Variants in LEPR observed in about 807,000 individuals in gnomAD.
The protein encoded by LEPR is leptin receptor.
In LEPR, 56 loss-of-function variants were observed where a neutral mutation model predicts 114.7. The ratio of observed to expected loss-of-function variants is 0.49; its 90% CI spans 0.39 to 0.61. The LOEUF (loss-of-function observed/expected upper bound fraction) is 0.61, where lower values mean the gene tolerates loss of function less well. Among genes scored for constraint, LEPR ranks in the 20% least tolerant of loss-of-function variants. LEPR has a pLI of 0.00. For synonymous variants in LEPR, 443 were observed against 461.4 expected, an observed-to-expected ratio of 0.96 and a Z score of 0.51; for missense variants, 1,202 against 1,352.9, an observed-to-expected ratio of 0.89 and a Z score of 1.75.
chr1:65,484,006 A>G (rs1258275702), intron 2 of LEPR, among the ~76,000 whole-genome samples: 1 of 151,266 alleles, frequency 6.6e-6, no homozygotes, highest in Non-Finnish European at 1.5e-5. Flanking sequence ...TGGCACAGTC[A>G]TAGATCACTG....
rs1553159578 is a variant in LEPR, at chr1:65,507,537, G to GTGTA, written c.-20-58008_-20-58007insGTAT. Among the ~76,000 whole-genome samples, 383 of 140,466 alleles carry GTGTA rather than the reference G, an allele frequency of 2.7e-3. 4 individuals are homozygous for GTGTA. Among genetic ancestry groups the GTGTA allele is most frequent in the African/African-American group, 9.1e-3 (345 of 37,924 alleles). The allele number at this position is 140,466 out of a possible 152,430, so 92.2% of individuals were successfully genotyped here. On this transcript the variant is annotated intron_variant, in intron 2 of 19. Coordinates refer to ENST00000349533, the MANE Select transcript of LEPR (RefSeq NM_002303.6). ...CATATATATGTGTATATATATGTGTGTATATATATATATACACACACACAC... is the reference window on the plus strand; with the variant it reads ...CATATATATGTGTATATATATGTGTGTGTATATATATATATATACACACACACAC...
At chr1:65,568,029 G>T (rs1195142465) in intron 3 of LEPR, among the ~76,000 whole-genome samples, 1 of 152,082 alleles carries the variant, frequency 6.6e-6, no homozygotes, top group African/African-American at 2.4e-5. Flanking sequence ...ACATACAGAA[G>T]AATTTCACTG....
In LEPR at chr1:65,618,052, A is replaced by G. The variant is rs758895799; in HGVS notation, c.2301A>G (p.Leu767=). The G allele has an allele frequency of 1.2e-6, 2 of 1,612,742 alleles. No individual in the cohort carries two copies. Among genetic ancestry groups the G allele is most frequent in the South Asian group, 1.1e-5 (1 of 90,894 alleles). ...TACTATCACCCAGTGATTACAAGCT[A>G]ATGTATTTTATTATTGAGTGGAAAA... ...SWILSPSDYK[L]MYFIIEWKNL... The change falls in exon 16 of 20, where the codon CTA becomes CTG. Residue 767 remains leucine, a synonymous_variant. Transcript: ENST00000349533.
At chr1:65,534,224 C>CA (rs1285746825) in intron 2 of LEPR, among the ~76,000 whole-genome samples, 1 of 152,036 alleles carries the variant, frequency 6.6e-6, no homozygotes, top group Middle Eastern at 3.2e-3. Flanking sequence ...TTTATCACTT[C>CA]AAATTTTCTT....
chr1:65,571,725 G>A (rs569329862), intron 4 of LEPR, among the ~76,000 whole-genome samples: 1 of 147,924 alleles, frequency 6.8e-6, no homozygotes, highest in Non-Finnish European at 1.5e-5. Flanking sequence ...AGGCCTAGGC[G>A]GGCGGATCAC....
intron 2 of LEPR, among the ~76,000 whole-genome samples, chr1:65,549,788 C>A (rs144809648): frequency 1.3e-5 from 2 of 152,150 alleles, no homozygotes; most frequent in Non-Finnish European, 2.9e-5. Flanking sequence ...GTAGTTTGAT[C>A]GTCTGAAGCT....
At chr1:65,461,828 G>T (rs995398934) in intron 2 of LEPR, among the ~76,000 whole-genome samples, 2 of 152,116 alleles carry the variant, frequency 1.3e-5, no homozygotes, top group Non-Finnish European at 2.9e-5. Flanking sequence ...ATATATTTTT[G>T]ATATGATGTG....
chr1:65,587,013 G>A (rs1033533169), intron 5 of LEPR, among the ~76,000 whole-genome samples: 12 of 134,458 alleles, frequency 8.9e-5, no homozygotes, highest in Admixed American at 4.4e-4. Flanking sequence ...TTTTAAATTC[G>A]CCCTTTTTTA....
intron 2 of LEPR, chr1:65,432,969 C>T (rs1646507785): frequency 1.0e-5 from 10 of 985,192 alleles, no homozygotes; most frequent in Non-Finnish European, 1.1e-5. Flanking sequence ...ATACTCTCTC[C>T]CCCAAAAAAA....
intron 2 of LEPR, among the ~76,000 whole-genome samples, chr1:65,546,048 C>T (rs573266148): frequency 6.6e-6 from 1 of 151,500 alleles, no homozygotes; most frequent in Admixed American, 6.6e-5. Flanking sequence ...TTCCCAGCAC[C>T]ATTTATTAAA....
At chr1:65,627,810 T>C (rs1034717969) in intron 19 of LEPR, among the ~76,000 whole-genome samples, 1 of 152,152 alleles carries the variant, frequency 6.6e-6, no homozygotes, top group Non-Finnish European at 1.5e-5. Flanking sequence ...AATACAAATA[T>C]AGTATTTTTT....
At chr1:65,509,645 AAT>A (rs1432904521) in intron 2 of LEPR, among the ~76,000 whole-genome samples, 1 of 152,126 alleles carries the variant, frequency 6.6e-6, no homozygotes, top group Admixed American at 6.6e-5. Flanking sequence ...CTGTGTTGGG[AAT>A]ATGAGGTCCT....
chr1:65,601,353 T>C lies in LEPR; in HGVS notation c.995-39T>C, dbSNP rs1656426785. The C allele has an allele frequency of 1.9e-6, 3 of 1,603,798 alleles. No homozygotes were observed. The Middle Eastern group carries it at 6.3e-4, about 336-fold the overall frequency. ...TGTGGTACAAATTACTTACAGAATG[T>C]TTTGTCTTCATCTGATATCCTTTCT... On this transcript the variant is annotated intron_variant, in intron 8 of 19. Transcript: ENST00000349533.
intron 8 of LEPR, among the ~76,000 whole-genome samples, chr1:65,600,957 A>C (rs1262241253): frequency 6.6e-6 from 1 of 151,840 alleles, no homozygotes; most frequent in Admixed American, 6.6e-5. Flanking sequence ...AGCGGCAATC[A>C]TTTTTACTTC....
intron 2 of LEPR, among the ~76,000 whole-genome samples, chr1:65,559,715 A>C (rs2100758665): frequency 7.4e-6 from 1 of 134,314 alleles, no homozygotes; most frequent in African/African-American, 2.9e-5. Flanking sequence ...TCCATCTTGA[A>C]TTGATTTTTG....
chr1:65,620,570 A>G (rs1377320320), intron 17 of LEPR, among the ~76,000 whole-genome samples: 2 of 152,168 alleles, frequency 1.3e-5, no homozygotes, highest in Non-Finnish European at 2.9e-5. Context: ...AAAGCAAGAT[A>G]AAGGGATGGC....
At chr1:65,539,007 T>C (rs966441626) in intron 2 of LEPR, among the ~76,000 whole-genome samples, 10 of 151,888 alleles carry the variant, frequency 6.6e-5, no homozygotes, top group Admixed American at 2.0e-4. Context: ...TGGTTGGATT[T>C]GGGTCTCTTG....
chr1:65,452,762 C>A (rs376534538), intron 2 of LEPR, among the ~76,000 whole-genome samples: 41,316 of 150,814 alleles, frequency 0.27, 6,912 homozygotes, highest in Non-Finnish European at 0.38. Flanking sequence ...TGTCTCTGCC[C>A]GGCTTTGGTA....
At chr1:65,626,804 C>T (rs577196940) in intron 19 of LEPR, among the ~76,000 whole-genome samples, 10 of 152,074 alleles carry the variant, frequency 6.6e-5, no homozygotes, top group African/African-American at 1.9e-4. Flanking sequence ...CCACCACGCC[C>T]GGCTAATTTT....
Sources: allele counts gnomAD v4.1 joint callset (sites outside exome capture counted in the v4.1 genomes callset), GRCh38; gene constraint gnomAD v4.1.1; transcripts MANE v1.5; gene names NCBI Gene and HGNC (gene_info 2026-07-23, HGNC 2026-07-21).